The following NFX1 variants were observed in gnomAD, a reference collection of about 807,000 sequenced individuals.
NFX1 encodes the protein transcriptional repressor NF-X1.
In NFX1, 69 loss-of-function variants were observed where a neutral mutation model predicts 137.2. That is an observed-to-expected ratio of 0.50 (90% CI 0.41 to 0.61). The LOEUF (loss-of-function observed/expected upper bound fraction) is 0.61, where lower values mean the gene tolerates loss of function less well. Among genes scored for constraint, NFX1 ranks in the 20% least tolerant of loss-of-function variants. The pLI is 0.00. For synonymous variants in NFX1, 495 were observed against 474.1 expected (o/e 1.04, Z -0.57); for missense variants, 1,167 against 1,391.0 (o/e 0.84, Z 2.56).
intron 3 of NFX1, 58 bp from the exon 4 acceptor site, chr9:33,303,133 A>C: frequency 7.4e-7 from 1 of 1,358,352 alleles, no homozygotes; most frequent in Non-Finnish European, 1.1e-6. Context: ...AAATTTTTTT[A>C]ATTACATGTA....
intron 2 of NFX1, among the ~76,000 whole-genome samples, chr9:33,296,627 C>T (rs781330477): frequency 3.9e-5 from 6 of 152,146 alleles, no homozygotes; most frequent in Non-Finnish European, 7.3e-5. Context: ...CCCAGACACT[C>T]AGGAAGCTGA....
chr9:33,303,236 C>T lies in NFX1; in HGVS notation c.1238C>T (p.Ala413Val), dbSNP rs755133879. Reference sequence around the variant, plus strand: ...TGCCCTGCCTGTCAGAATGTTTCTGCACATGTTCCTAATACCTACACTTGT... The same window carrying T: ...TGCCCTGCCTGTCAGAATGTTTCTGTACATGTTCCTAATACCTACACTTGT... ...WRCPACQNVS[A>V]HVPNTYTCFC... The change falls in exon 4 of 24, where the codon GCA becomes GTA. Residue 413 changes from alanine to valine, a missense_variant. Ala to Val is a moderately conservative substitution (Grantham distance 64). This residue lies in a region of NFX1 where 488 missense variants were observed against 691.5 expected (regional missense o/e 0.71). Coordinates refer to ENST00000379540, the MANE Select transcript of NFX1 (RefSeq NM_002504.6). The T allele has an allele frequency of 1.7e-5, 27 of 1,613,954 alleles. No individual in the cohort carries two copies. In the South Asian group the frequency reaches 2.0e-4, roughly 12 times the overall value.
intron 19 of NFX1, among the ~76,000 whole-genome samples, chr9:33,356,941 A>G (rs1823828710): frequency 6.6e-6 from 1 of 150,830 alleles, no homozygotes; most frequent in Non-Finnish European, 1.5e-5. Context: ...ACAGTGAGCC[A>G]TGATCACCAG....
Position 33,351,687 on chromosome 9 carries a change from C to G in NFX1, c.2552C>G (p.Pro851Arg). The change falls in exon 16 of 24, where the codon CCC becomes CGC. Residue 851 changes from proline (P) to arginine (R), a missense_variant. By Grantham distance (103) the Pro-to-Arg change is moderately radical (BLOSUM62 -2). Transcript: ENST00000379540. ...AAAGGGGAGTGTCTTGTGGATGAGC[C>G]CTGCAAGCAGCCCTGCACCACCCCC... ...CHKGECLVDE[P>R]CKQPCTTPRA... The G allele has an allele frequency of 6.2e-7, 1 of 1,614,058 alleles. No individual in the cohort carries two copies. The highest frequency in any genetic ancestry group is 1.1e-5 in the South Asian group (1 of 91,086).
chr9:33,323,620 G>A (rs943536313), intron 9 of NFX1, among the ~76,000 whole-genome samples: 33 of 152,006 alleles, frequency 2.2e-4, no homozygotes, highest in African/African-American at 7.7e-4. Context: ...GGGCATGTTG[G>A]TATGCGCCTG....
rs373836457 is a variant in NFX1, at chr9:33,311,097, C to A, written c.1377-9C>A. ...CTGTGGTTTATTCAGTGAAACCTTT[C>A]TCTTTCAGTCTCTGCCATCCAGGAC... On this transcript the variant is annotated splice_polypyrimidine_tract_variant and intron_variant, in intron 5 of 23. Coordinates refer to ENST00000379540, the MANE Select transcript of NFX1 (RefSeq NM_002504.6). 9 of 1,614,052 alleles carry A rather than the reference C, an allele frequency of 5.6e-6. No individual in the cohort carries two copies. The South Asian group carries it at 9.9e-5, about 18-fold the overall frequency.
chr9:33,291,400 T>C (rs1821155668), intron 1 of NFX1, among the ~76,000 whole-genome samples: 1 of 152,216 alleles, frequency 6.6e-6, no homozygotes, highest in African/African-American at 2.4e-5. Context: ...GTTTTCTGTT[T>C]CGTTTAAAAA....
At chr9:33,342,064 C>G (rs1823242643) in intron 12 of NFX1, among the ~76,000 whole-genome samples, 1 of 151,756 alleles carries the variant, frequency 6.6e-6, no homozygotes, top group African/African-American at 2.4e-5. Flanking sequence ...TGCAGTGAGC[C>G]AAGATCGCAC....
At chr9:33,333,324 T>A (rs564887022) in intron 11 of NFX1, among the ~76,000 whole-genome samples, 1 of 152,310 alleles carries the variant, frequency 6.6e-6, no homozygotes, top group Admixed American at 6.5e-5. Flanking sequence ...AAGTGACTTT[T>A]ACGATAAGGG....
In NFX1 at chr9:33,294,433, C is replaced by A; in HGVS notation, c.39C>A (p.Phe13Leu). The A allele has an allele frequency of 1.3e-6, 2 of 1,569,832 alleles. No homozygotes were observed. The highest frequency in any genetic ancestry group is 2.4e-5 in the South Asian group (2 of 84,102). ...TTTATGTCCTAGGTACTTTTAAATTCAATACAGATGCTGCTGAATTCATTC... is the reference window on the plus strand; with the variant it reads ...TTTATGTCCTAGGTACTTTTAAATTAAATACAGATGCTGCTGAATTCATTC... ...EAPPVSGTFK[F>L]NTDAAEFIPQ... Residue 13 changes from phenylalanine (F) to leucine (L), a missense_variant, in exon 2 of 24, where the codon TTC becomes TTA. Transcript: ENST00000379540.
At chr9:33,313,904 G>C (rs1409583079) in intron 7 of NFX1, 111 bp downstream of exon 7, 103 of 1,072,498 alleles carry the variant, frequency 9.6e-5, no homozygotes, top group Non-Finnish European at 1.4e-4. Flanking sequence ...CAAAGACCTT[G>C]AGTAGAGAGA....
Position 33,342,798 on chromosome 9 carries a change from T to A in NFX1, c.2168T>A (p.Leu723His). 1 of 1,613,882 alleles carries A rather than the reference T, an allele frequency of 6.2e-7. No individual in the cohort carries two copies. Among genetic ancestry groups the A allele is most frequent in the Non-Finnish European group, 8.5e-7 (1 of 1,179,914 alleles). ...LICGRKLRCG[L>H]HRCEEPCHRG... is the part of the protein sequence containing the mutation. ...TGTGGGAGGAAACTCCGTTGTGGCC[T>A]TCATAGGTGTGAAGAACCTTGTCAT... Residue 723 changes from leucine to histidine, a missense_variant, in exon 13 of 24, where the codon CTT becomes CAT. Around this residue, in one of 3 missense-constraint regions of NFX1, gnomAD observed 488 missense variants for 691.5 expected, o/e 0.71. Coordinates refer to ENST00000379540, the MANE Select transcript of NFX1 (RefSeq NM_002504.6).
At chr9:33,334,800 T>C (rs1206842977) in intron 11 of NFX1, among the ~76,000 whole-genome samples, 1 of 152,224 alleles carries the variant, frequency 6.6e-6, no homozygotes, top group Non-Finnish European at 1.5e-5. Context: ...ATGACCCTTT[T>C]GGTGGTCATT....
At chr9:33,352,982 G>T in intron 17 of NFX1, 1 of 346,040 alleles carries the variant, frequency 2.9e-6, no homozygotes, top group African/African-American at 2.1e-5. Context: ...TTCCCAGGCT[G>T]GTCTCCCACC....
At chr9:33,350,935 CAGG>C (rs1273169346) in intron 15 of NFX1, among the ~76,000 whole-genome samples, 1 of 152,222 alleles carries the variant, frequency 6.6e-6, no homozygotes, top group Non-Finnish European at 1.5e-5. Flanking sequence ...CACTTGAAGT[CAGG>C]AGTTCAAGAC....
chr9:33,347,927 T>G (rs1450164281), intron 15 of NFX1: 1 of 157,198 alleles, frequency 6.4e-6, no homozygotes, highest in Admixed American at 6.5e-5. Context: ...AACTCAGGAA[T>G]GGAAAACCAA....
chr9:33,345,152 A>G (rs557381723), intron 14 of NFX1, among the ~76,000 whole-genome samples: 6 of 146,292 alleles, frequency 4.1e-5, no homozygotes, highest in Non-Finnish European at 6.0e-5. Context: ...ACAGAGTGAG[A>G]CTCCATCTCA....
At chr9:33,338,736 A>G in intron 12 of NFX1, 147 bp downstream of exon 12, 4 of 664,890 alleles carry the variant, frequency 6.0e-6, no homozygotes, top group Non-Finnish European at 7.6e-6. Flanking sequence ...CATAGTCCCC[A>G]TAACCTCTCT....
intron 19 of NFX1, among the ~76,000 whole-genome samples, chr9:33,361,680 G>A (rs1409711669): frequency 2.6e-5 from 4 of 152,070 alleles, no homozygotes; most frequent in Non-Finnish European, 5.9e-5. Flanking sequence ...GGCTGAGGCA[G>A]GAGAATCGCT....
Sources: allele counts gnomAD v4.1 joint callset (sites outside exome capture counted in the v4.1 genomes callset), GRCh38; gene constraint gnomAD v4.1.1; regional missense constraint gnomAD v4.1.1; transcripts MANE v1.5; gene names NCBI Gene and HGNC (gene_info 2026-07-23, HGNC 2026-07-21).